ZNF131: variants seen among roughly 807,000 people sequenced by gnomAD.
ZNF131 encodes zinc finger and BTB domain containing 35.
In ZNF131, 7 loss-of-function variants were observed where a neutral mutation model predicts 60.0. That is an observed-to-expected ratio of 0.12 (90% CI 0.07 to 0.22). The LOEUF (loss-of-function observed/expected upper bound fraction) is 0.22, where lower values mean the gene tolerates loss of function less well. Among genes scored for constraint, ZNF131 ranks in the 10% least tolerant of loss-of-function variants. The pLI is 1.00. For missense variants in ZNF131, 493 were observed against 740.9 expected, an observed-to-expected ratio of 0.67 and a Z score of 3.88; for synonymous variants, 257 against 253.2, an observed-to-expected ratio of 1.01 and a Z score of -0.14.
Position 43,139,178 on chromosome 5 carries a change from G to A in ZNF131, c.240G>A (p.Met80Ile). The change falls in exon 4 of 7, where the codon ATG becomes ATA. Residue 80 changes from methionine to isoleucine, a missense_variant. Around this residue, in one of 7 missense-constraint regions of ZNF131, gnomAD observed 66 missense variants for 148.0 expected, o/e 0.45. Coordinates refer to ENST00000682664, the MANE Select transcript of ZNF131 (RefSeq NM_001330707.2). Reference protein sequence around the residue: ...PLVEIEGVSKMAFRHLIEFTY... With the variant: ...PLVEIEGVSKIAFRHLIEFTY... ...TCTTCTTTACAGGTGTTAGTAAAATGGCCTTTCGCCATTTAATTGAGTTCA... is the reference window on the plus strand; with the variant it reads ...TCTTCTTTACAGGTGTTAGTAAAATAGCCTTTCGCCATTTAATTGAGTTCA... 1.3e-6 allele frequency: 2 copies of A among 1,597,220 alleles called. No homozygotes were observed. The highest frequency in any genetic ancestry group is 1.7e-4 in the Middle Eastern group (1 of 5,944).
intron 4 of ZNF131, among the ~76,000 whole-genome samples, chr5:43,157,772 A>C (rs1259786756): frequency 6.6e-6 from 1 of 152,180 alleles, no homozygotes; most frequent in Non-Finnish European, 1.5e-5. Flanking sequence ...CAAGACACTA[A>C]GGGGAGCATC....
chr5:43,158,265 ATGT>A (rs1236354622), intron 4 of ZNF131, among the ~76,000 whole-genome samples: 5 of 141,834 alleles, frequency 3.5e-5, no homozygotes, highest in South Asian at 4.5e-4. Flanking sequence ...ACTGCACCCG[ATGT>A]TGTTTTTTCT....
At chr5:43,141,069 C>T (rs1223600632) in intron 4 of ZNF131, among the ~76,000 whole-genome samples, 1 of 152,048 alleles carries the variant, frequency 6.6e-6, no homozygotes, top group Non-Finnish European at 1.5e-5. Context: ...TCTAAGAATA[C>T]TGAACTGTAC....
chr5:43,141,831 C>T (rs776246086), intron 4 of ZNF131, among the ~76,000 whole-genome samples: 2 of 151,516 alleles, frequency 1.3e-5, no homozygotes, highest in Non-Finnish European at 2.9e-5. Flanking sequence ...AGTATAAACA[C>T]AGTAACATGT....
chr5:43,162,757 T>C (rs1370496295), intron 5 of ZNF131, among the ~76,000 whole-genome samples: 2 of 149,514 alleles, frequency 1.3e-5, no homozygotes, highest in African/African-American at 4.9e-5. Context: ...TACAAAAAAT[T>C]AGTTGGGCAT....
chr5:43,131,625 A>G (rs959160008), intron 3 of ZNF131, among the ~76,000 whole-genome samples: 6 of 152,166 alleles, frequency 3.9e-5, no homozygotes, highest in Admixed American at 1.3e-4. Context: ...TGAGAATCCT[A>G]GTGGTATTAA....
chr5:43,153,786 C>T (rs74696991), intron 4 of ZNF131, among the ~76,000 whole-genome samples: 5,331 of 152,198 alleles, frequency 0.035, 137 homozygotes, highest in Middle Eastern at 0.065. Flanking sequence ...CAGCTAAATT[C>T]AGTGATCAAA....
chr5:43,162,655 A>G (rs1415746264), intron 5 of ZNF131, among the ~76,000 whole-genome samples: 41 of 144,286 alleles, frequency 2.8e-4, no homozygotes, highest in East Asian at 8.6e-4. Context: ...TGTAATCCCA[A>G]CACTTTGGGA....
At chr5:43,150,088 G>T (rs191073571) in intron 4 of ZNF131, among the ~76,000 whole-genome samples, 17 of 152,296 alleles carry the variant, frequency 1.1e-4, no homozygotes, top group Admixed American at 7.2e-4. Context: ...TCCCACAGGG[G>T]TGACACAGTG....
Position 43,143,302 on chromosome 5 carries a change from C to T in ZNF131, c.371+3993C>T, listed in dbSNP as rs188822952. Reference sequence around the variant, plus strand: ...TCCCAAAGTGCTGGGATTACAAGCACGAGTCACTGCGCCCGGCCTCAAGCT... The same window carrying T: ...TCCCAAAGTGCTGGGATTACAAGCATGAGTCACTGCGCCCGGCCTCAAGCT... On this transcript the variant is annotated intron_variant, in intron 4 of 6. Transcript: ENST00000682664. The T allele has an allele frequency of 9.2e-5, 101 of 1,094,172 alleles. 2 individuals are homozygous for T. In the Admixed American group the frequency reaches 3.1e-3, roughly 34 times the overall value. The allele number at this position is 1,094,172 out of a possible 1,614,324, so 67.8% of individuals were successfully genotyped here.
At chr5:43,151,057 A>G (rs1179270908) in intron 4 of ZNF131, among the ~76,000 whole-genome samples, 1 of 152,188 alleles carries the variant, frequency 6.6e-6, no homozygotes, top group Non-Finnish European at 1.5e-5. Context: ...GATGCTTTAC[A>G]ATTATACAGG....
intron 4 of ZNF131, among the ~76,000 whole-genome samples, chr5:43,160,146 A>C (rs1385208778): frequency 6.6e-6 from 1 of 151,784 alleles, no homozygotes; most frequent in Non-Finnish European, 1.5e-5. Flanking sequence ...ACTGCACTCC[A>C]GCCTGGGTGA....
At chr5:43,145,660 A>AC (rs930080319) in intron 4 of ZNF131, among the ~76,000 whole-genome samples, 1 of 152,052 alleles carries the variant, frequency 6.6e-6, no homozygotes, top group African/African-American at 2.4e-5. Context: ...CCATCTCAAA[A>AC]CAAAAAAAAA....
intron 5 of ZNF131, among the ~76,000 whole-genome samples, chr5:43,165,823 C>T (rs1426929369): frequency 6.6e-6 from 1 of 152,220 alleles, no homozygotes; most frequent in Non-Finnish European, 1.5e-5. Context: ...CTATGAAAGT[C>T]CTAGATGGCA....
chr5:43,133,663 C>A (rs35754881), intron 3 of ZNF131, among the ~76,000 whole-genome samples: 1 of 152,058 alleles, frequency 6.6e-6, no homozygotes, highest in African/African-American at 2.4e-5. Flanking sequence ...AGAGTTGAAC[C>A]TTGGAGAATT....
chr5:43,175,056 GAGACCA>G lies in ZNF131; in HGVS notation c.1798_1803del (p.Thr600_Lys601del). 1 of 1,614,190 alleles carries G rather than the reference GAGACCA, an allele frequency of 6.2e-7. No individual in the cohort carries two copies. Among genetic ancestry groups the G allele is most frequent in the Non-Finnish European group, 8.5e-7 (1 of 1,180,036 alleles). On this transcript the variant is annotated inframe_deletion, in exon 7 of 7. Transcript: ENST00000682664. ...AGATCACGAAGATGCTGAGGATTTA[GAGACCA>G]AGCCAACAGTGGATTCTGAAGCAGA...
At chr5:43,172,688 A>G (rs1751149509) in intron 5 of ZNF131, among the ~76,000 whole-genome samples, 1 of 151,138 alleles carries the variant, frequency 6.6e-6, no homozygotes, top group South Asian at 2.1e-4. Flanking sequence ...CTTTACAGCT[A>G]TCTACTGGAC....
chr5:43,150,475 C>T (rs1045025039), intron 4 of ZNF131, among the ~76,000 whole-genome samples: 2 of 152,146 alleles, frequency 1.3e-5, no homozygotes, highest in Non-Finnish European at 2.9e-5. Flanking sequence ...TCTTTAGCCG[C>T]TCTGATTAAT....
intron 3 of ZNF131, among the ~76,000 whole-genome samples, chr5:43,128,628 G>A (rs1345342930): frequency 7.5e-6 from 1 of 133,822 alleles, no homozygotes; most frequent in Non-Finnish European, 1.5e-5. Context: ...CTGCACTCCA[G>A]CCTGGGCGAC....
Sources: allele counts gnomAD v4.1 joint callset (sites outside exome capture counted in the v4.1 genomes callset), GRCh38; gene constraint gnomAD v4.1.1; regional missense constraint gnomAD v4.1.1; transcripts MANE v1.5; gene names NCBI Gene and HGNC (gene_info 2026-07-23, HGNC 2026-07-21).